Variants in DCC observed in about 807,000 individuals in gnomAD.
DCC encodes the protein netrin receptor DCC.
Under a neutral mutation model 172.5 loss-of-function variants are expected in DCC, and 58 were observed. The ratio of observed to expected loss-of-function variants is 0.34; its 90% CI spans 0.27 to 0.42. The LOEUF (loss-of-function observed/expected upper bound fraction) is 0.42. Ranked by LOEUF, DCC falls within the 10% of genes least tolerant of loss-of-function variation. The pLI is 1.00. For missense variants in DCC, 1,740 were observed against 1,791.0 expected (o/e 0.97, Z 0.51); for synonymous variants, 709 against 644.5 (o/e 1.10, Z -1.52).
chr18:52,988,862 A>T (rs1202091386), intron 5 of DCC, among the ~76,000 whole-genome samples: 1 of 152,116 alleles, frequency 6.6e-6, no homozygotes, highest in East Asian at 1.9e-4. Context: ...TGCAATATTT[A>T]CTATTAGCTA....
At chr18:52,622,857 A>G (rs2034505954) in intron 1 of DCC, among the ~76,000 whole-genome samples, 1 of 152,226 alleles carries the variant, frequency 6.6e-6, no homozygotes, top group Non-Finnish European at 1.5e-5. Flanking sequence ...AAAAAAAATG[A>G]TCATAGAAGG....
intron 8 of DCC, among the ~76,000 whole-genome samples, chr18:53,168,178 C>A (rs112398365): frequency 6.6e-6 from 1 of 152,032 alleles, no homozygotes; most frequent in African/African-American, 2.4e-5. Context: ...GATCTACAAC[C>A]AGAAATACCA....
intron 5 of DCC, among the ~76,000 whole-genome samples, chr18:53,020,452 G>A (rs139886843): frequency 9.2e-5 from 14 of 152,192 alleles, no homozygotes; most frequent in African/African-American, 2.9e-4. Context: ...CACTGTTCAA[G>A]TCTCTGAGTG....
intron 1 of DCC, among the ~76,000 whole-genome samples, chr18:52,574,523 T>A (rs965025069): frequency 1.3e-5 from 2 of 152,160 alleles, no homozygotes; most frequent in African/African-American, 4.8e-5. Flanking sequence ...TTCTTTAGAA[T>A]TAAATGTAGA....
intron 12 of DCC, among the ~76,000 whole-genome samples, chr18:53,247,013 G>A (rs1463453942): frequency 1.3e-5 from 2 of 151,968 alleles, no homozygotes; most frequent in Admixed American, 1.3e-4. Flanking sequence ...AGGAAACATT[G>A]GAGATCTAGT....
intron 18 of DCC, among the ~76,000 whole-genome samples, chr18:53,398,273 G>A (rs1909079672): frequency 6.6e-6 from 1 of 152,068 alleles, no homozygotes; most frequent in Non-Finnish European, 1.5e-5. Context: ...TGTCCCATGG[G>A]ATTGCAGTTC....
chr18:53,173,897 C>A (rs1214799033), intron 8 of DCC, among the ~76,000 whole-genome samples: 21 of 117,720 alleles, frequency 1.8e-4, no homozygotes, highest in Non-Finnish European at 3.4e-4. Flanking sequence ...CACCACACCA[C>A]ACCTATTCCA....
At chr18:53,203,201 TTGTGTGTG>T (rs66474118) in intron 9 of DCC, among the ~76,000 whole-genome samples, 140 of 125,334 alleles carry the variant, frequency 1.1e-3, no homozygotes, top group Middle Eastern at 3.8e-3. Flanking sequence ...ATAGATTCTC[TTGTGTGTG>T]TGTGTGTGTG....
At chr18:53,476,633 G>A (rs1599194729) in intron 25 of DCC, among the ~76,000 whole-genome samples, 1 of 152,050 alleles carries the variant, frequency 6.6e-6, no homozygotes, top group African/African-American at 2.4e-5. Context: ...TGTAAATTGT[G>A]CAGTCTTGGG....
At chr18:53,089,602 CA>C (rs1214944993) in intron 7 of DCC, among the ~76,000 whole-genome samples, 2 of 150,800 alleles carry the variant, frequency 1.3e-5, no homozygotes, top group Admixed American at 6.6e-5. Flanking sequence ...AAACAAAAAA[CA>C]AAAAACAAAA....
intron 7 of DCC, among the ~76,000 whole-genome samples, chr18:53,074,865 C>T (rs2042704240): frequency 6.6e-6 from 1 of 152,118 alleles, no homozygotes; most frequent in African/African-American, 2.4e-5. Flanking sequence ...GATTCTTAGG[C>T]AATATTGCCT....
rs964510486 is a variant in DCC, at chr18:53,530,736, A to G, written c.*83A>G. 62 of 810,508 alleles carry G rather than the reference A, an allele frequency of 7.6e-5. No individual in the cohort carries two copies. In the Admixed American group the frequency reaches 8.4e-4, roughly 11 times the overall value. 50.2% of individuals were successfully genotyped at this position (810,508 alleles called of 1,614,324 possible). A position where few individuals can be genotyped will look rare whatever the true frequency, so the allele number is the denominator to read the frequency against. The stretch of plus-strand genomic sequence containing the variant: ...CCCATAAACAGCACACCTGTGTCCA[A>G]GAACTCTAACCAGTGTACAGGTCAC... On this transcript the variant is annotated 3_prime_UTR_variant, in exon 29 of 29. Coordinates refer to ENST00000442544, the MANE Select transcript of DCC (RefSeq NM_005215.4).
intron 2 of DCC, among the ~76,000 whole-genome samples, chr18:52,822,735 G>A (rs183247039): frequency 6.6e-6 from 1 of 152,296 alleles, no homozygotes; most frequent in Non-Finnish European, 1.5e-5. Flanking sequence ...TATTAAGGTT[G>A]TGAAATTAAG....
intron 7 of DCC, among the ~76,000 whole-genome samples, chr18:53,079,009 C>T (rs530903980): frequency 3.9e-5 from 6 of 152,082 alleles, no homozygotes; most frequent in African/African-American, 9.7e-5. Context: ...TGGCAGACAT[C>T]GCCTGAGTTG....
Position 52,501,565 on chromosome 18 carries a change from G to T in DCC, c.91+160687G>T, listed in dbSNP as rs116093853. On this transcript the variant is annotated intron_variant, in intron 1 of 28. Coordinates refer to ENST00000442544, the MANE Select transcript of DCC (RefSeq NM_005215.4). ...GAGGGAATCACAGGATATCAGTGTT[G>T]GGTCAGTGCTTGGTGATTGCTGCTG... Among the ~76,000 whole-genome samples the T allele has an allele frequency of 2.2e-3, 330 of 152,206 alleles. 1 individual carries two copies. The highest frequency in any genetic ancestry group is 7.7e-3 in the African/African-American group (319 of 41,536).
intron 7 of DCC, among the ~76,000 whole-genome samples, chr18:53,098,203 T>TTCA (rs2043114533): frequency 6.7e-6 from 1 of 148,540 alleles, no homozygotes; most frequent in Non-Finnish European, 1.5e-5. Flanking sequence ...AGAATAGAGT[T>TTCA]TTTTTTTTAA....
At position 53,428,731 on chromosome 18, in the gene DCC, T is replaced by TATACTATATATTTTATATATAATAA. The variant is rs1568126546; in HGVS notation, c.3164-6411_3164-6410insACTATATATTTTATATATAATAAAT. On this transcript the variant is annotated intron_variant, in intron 21 of 28. Coordinates refer to ENST00000442544, the MANE Select transcript of DCC (RefSeq NM_005215.4). ...ATATTATATATATTTATATATATTATATTATATACTATATATTTTATATAT... is the reference window on the plus strand; with the variant it reads ...ATATTATATATATTTATATATATTATATACTATATATTTTATATATAATAAATTATATACTATATATTTTATATAT... Among the ~76,000 whole-genome samples, 23 of 34,656 alleles carry TATACTATATATTTTATATATAATAA rather than the reference T, an allele frequency of 6.6e-4. 5 individuals carry two copies. The highest frequency in any genetic ancestry group is 1.7e-3 in the African/African-American group (23 of 13,770). The allele number at this position is 34,656 out of a possible 152,430, so 22.7% of individuals were successfully genotyped here. A position where few individuals can be genotyped will look rare whatever the true frequency, so the allele number is the denominator to read the frequency against.
intron 12 of DCC, among the ~76,000 whole-genome samples, chr18:53,264,476 CAAAAA>C (rs935972832): frequency 4.3e-5 from 2 of 46,304 alleles, no homozygotes; most frequent in Non-Finnish European, 9.7e-5. Context: ...AACTCCGTCT[CAAAAA>C]AAAAAAAAAA....
At chr18:53,252,567 AAAT>A (rs1212602811) in intron 12 of DCC, among the ~76,000 whole-genome samples, 2 of 151,990 alleles carry the variant, frequency 1.3e-5, no homozygotes, top group Non-Finnish European at 2.9e-5. Context: ...ATTCCATGAG[AAAT>A]AATGAAATTG....
Sources: allele counts gnomAD v4.1 joint callset (sites outside exome capture counted in the v4.1 genomes callset), GRCh38; gene constraint gnomAD v4.1.1; transcripts MANE v1.5; gene names NCBI Gene and HGNC (gene_info 2026-07-23, HGNC 2026-07-21).